GRM1: variants seen among roughly 807,000 people sequenced by gnomAD.
GRM1 encodes glutamate metabotropic receptor 1.
GRM1 carries 33 observed loss-of-function variants against 90.9 expected under a neutral mutation model. That is an observed-to-expected ratio of 0.36 (90% confidence interval 0.28 to 0.49). The LOEUF is 0.49. Among genes scored for constraint, GRM1 ranks in the 20% least tolerant of loss-of-function variants. The pLI, the probability that GRM1 is intolerant of heterozygous loss-of-function variation, is 0.99. For synonymous variants in GRM1, 700 were observed against 613.2 expected, an observed-to-expected ratio of 1.14 and a Z score of -2.09; for missense variants, 1,190 against 1,534.3, an observed-to-expected ratio of 0.78 and a Z score of 3.75.
chr6:146,080,519 G>A (rs976421867), intron 1 of GRM1, among the ~76,000 whole-genome samples: 2 of 152,142 alleles, frequency 1.3e-5, no homozygotes, highest in African/African-American at 2.4e-5. Flanking sequence ...TGAGAGAAGG[G>A]AGGAAGTTAC....
chr6:146,388,976 T>A (rs901218093), intron 6 of GRM1, among the ~76,000 whole-genome samples: 6 of 152,090 alleles, frequency 3.9e-5, no homozygotes, highest in Non-Finnish European at 7.4e-5. Flanking sequence ...CACTCTGCCA[T>A]GGTTGCATGC....
intron 1 of GRM1, among the ~76,000 whole-genome samples, chr6:146,105,656 T>C (rs141418288): frequency 7.8e-4 from 119 of 152,304 alleles, no homozygotes; most frequent in African/African-American, 2.7e-3. Flanking sequence ...CTTTGCTATA[T>C]TAGTGTTTTT....
At chr6:146,338,491 C>G (rs917047080) in intron 3 of GRM1, among the ~76,000 whole-genome samples, 1 of 152,220 alleles carries the variant, frequency 6.6e-6, no homozygotes, top group African/African-American at 2.4e-5. Flanking sequence ...CTCAGGGCCT[C>G]TTGCATGTCT....
chr6:146,110,487 T>C (rs1225942288), intron 1 of GRM1, among the ~76,000 whole-genome samples: 1 of 152,162 alleles, frequency 6.6e-6, no homozygotes, highest in Non-Finnish European at 1.5e-5. Flanking sequence ...CTTTTGTACA[T>C]TGCCCAGTCT....
chr6:146,248,719 A>G (rs1781164156), intron 2 of GRM1, among the ~76,000 whole-genome samples: 1 of 152,222 alleles, frequency 6.6e-6, no homozygotes, highest in South Asian at 2.1e-4. Context: ...GAACTGGGTA[A>G]CAGGCAGAGA....
At chr6:146,166,150 T>C (rs1433713486) in intron 2 of GRM1, among the ~76,000 whole-genome samples, 1 of 152,160 alleles carries the variant, frequency 6.6e-6, no homozygotes, top group Non-Finnish European at 1.5e-5. Context: ...CTTGTAGCAC[T>C]TGTGGCAGTT....
At chr6:146,395,707 T>C (rs1448323483) in intron 6 of GRM1, among the ~76,000 whole-genome samples, 1 of 152,182 alleles carries the variant, frequency 6.6e-6, no homozygotes, top group Non-Finnish European at 1.5e-5. Context: ...TACCAGTTTC[T>C]TTAATTCAAC....
chr6:146,029,823 C>T lies in GRM1; in HGVS notation c.306C>T (p.Gly102=), dbSNP rs767268356. 1 of 1,614,104 alleles carries T rather than the reference C, an allele frequency of 6.2e-7. No individual in the cohort carries two copies. Among genetic ancestry groups the T allele is most frequent in the South Asian group, 1.1e-5 (1 of 91,076 alleles). The change falls in exon 1 of 8, where the codon GGC becomes GGT. Residue 102 remains glycine, a synonymous_variant. Transcript: ENST00000282753. ...TCCTCCTGCCCAACATCACCCTGGG[C>T]AGTGAGATCCGGGACTCCTGCTGGC... ...DPVLLPNITL[G]SEIRDSCWHS...
At chr6:146,037,316 G>T (rs1276604145) in intron 1 of GRM1, among the ~76,000 whole-genome samples, 1 of 151,892 alleles carries the variant, frequency 6.6e-6, no homozygotes, top group African/African-American at 2.4e-5. Context: ...TAAGATAAAG[G>T]TGTAGCATCT....
At chr6:146,052,253 T>G (rs903416357) in intron 1 of GRM1, among the ~76,000 whole-genome samples, 1 of 152,098 alleles carries the variant, frequency 6.6e-6, no homozygotes, top group Non-Finnish European at 1.5e-5. Flanking sequence ...CATTCCATTT[T>G]CTTAGTCATT....
chr6:146,029,164 A>C lies in GRM1; in HGVS notation c.-354A>C. 2.7e-6 allele frequency: 1 copy of C among 370,350 alleles called. No individual in the cohort carries two copies. The allele number at this position is 370,350 out of a possible 1,614,324, so 22.9% of individuals were successfully genotyped here. On this transcript the variant is annotated 5_prime_UTR_variant, in exon 1 of 8. Transcript: ENST00000282753. ...GTTTTAACACAGGTCCTCTGATGAC[A>C]AGGTTGTGATTTTTCTCTGTCTTTT...
intron 7 of GRM1, among the ~76,000 whole-genome samples, chr6:146,404,008 A>G (rs919932260): frequency 1.3e-5 from 2 of 152,090 alleles, no homozygotes; most frequent in Admixed American, 1.3e-4. Flanking sequence ...ATTGTTAACT[A>G]TAGTCACTAT....
chr6:146,368,265 G>T (rs1051569568), intron 5 of GRM1, among the ~76,000 whole-genome samples: 2 of 138,512 alleles, frequency 1.4e-5, no homozygotes, highest in East Asian at 2.4e-4. Context: ...TTTTTTGGGG[G>T]GGGGGGTAGA....
At chr6:146,179,289 T>C (rs1301370175) in intron 2 of GRM1, among the ~76,000 whole-genome samples, 19 of 152,182 alleles carry the variant, frequency 1.2e-4, no homozygotes, top group Admixed American at 1.2e-3. Context: ...GATAAAGTTT[T>C]ACTTCATCTT....
intron 7 of GRM1, among the ~76,000 whole-genome samples, chr6:146,411,985 A>ATTC (rs1777586734): frequency 1.3e-5 from 2 of 152,142 alleles, no homozygotes; most frequent in Non-Finnish European, 2.9e-5. Flanking sequence ...CTTGGTGACC[A>ATTC]ATGGGTTCAT....
At chr6:146,241,948 C>G (rs912890172) in intron 2 of GRM1, among the ~76,000 whole-genome samples, 1 of 152,068 alleles carries the variant, frequency 6.6e-6, no homozygotes, top group African/African-American at 2.4e-5. Flanking sequence ...ACCAGGGAAG[C>G]CTTAGGCTTC....
chr6:146,030,373 C>T (rs756969876), intron 1 of GRM1, among the ~76,000 whole-genome samples, 156 bp downstream of exon 1: 86 of 152,284 alleles, frequency 5.6e-4, no homozygotes, highest in Non-Finnish European at 8.8e-4. Flanking sequence ...GCCTTTTATC[C>T]TCATTTCCTT....
chr6:146,207,183 G>T (rs762638422), intron 2 of GRM1, among the ~76,000 whole-genome samples: 2 of 152,098 alleles, frequency 1.3e-5, no homozygotes, highest in Non-Finnish European at 2.9e-5. Context: ...CCCAGTAATG[G>T]GGTTGCTGGG....
intron 2 of GRM1, among the ~76,000 whole-genome samples, chr6:146,225,017 A>G (rs1050875902): frequency 6.6e-6 from 1 of 152,082 alleles, no homozygotes; most frequent in Admixed American, 6.6e-5. Flanking sequence ...TATGTCCTCC[A>G]TCATCCCTGA....
Sources: gnomAD v4.1 joint callset for allele counts (sites outside exome capture counted in the v4.1 genomes callset) on GRCh38, gnomAD v4.1.1 for gene constraint, MANE v1.5 for transcripts, NCBI Gene and HGNC (gene_info 2026-07-23, HGNC 2026-07-21) for gene names.